The following TMEM63A variants were observed in gnomAD, a reference collection of about 807,000 sequenced individuals.
TMEM63A encodes the protein transmembrane protein 63A.
A neutral mutation model predicts 100.6 loss-of-function variants in TMEM63A; 76 were observed. The ratio of observed to expected loss-of-function variants is 0.76; its 90% CI spans 0.63 to 0.91. The LOEUF (loss-of-function observed/expected upper bound fraction) is 0.91. Among genes scored for constraint, TMEM63A ranks in the 40% least tolerant of loss-of-function variants. The pLI is 0.00. For synonymous variants in TMEM63A, 401 were observed against 401.1 expected, an observed-to-expected ratio of 1.00 and a Z score of 0.00; for missense variants, 876 against 1,008.8, an observed-to-expected ratio of 0.87 and a Z score of 1.78.
intron 20 of TMEM63A, 132 bp from the exon 21 acceptor site, chr1:225,850,211 A>G (rs1289312819): frequency 2.9e-6 from 3 of 1,020,568 alleles, no homozygotes; most frequent in African/African-American, 1.6e-5. Context: ...TGAACACAAA[A>G]TGAGGCATCC....
chr1:225,881,730 T>C (rs1245945129), intron 1 of TMEM63A, among the ~76,000 whole-genome samples: 1 of 152,172 alleles, frequency 6.6e-6, no homozygotes, highest in African/African-American at 2.4e-5. Flanking sequence ...GTAGCTAGTC[T>C]TATCAGGTGC....
chr1:225,845,238 T>C, downstream of TMEM63A: 1 of 1,614,084 alleles, frequency 6.2e-7, no homozygotes, highest in Non-Finnish European at 8.5e-7. Flanking sequence ...TACCCAAAGC[T>C]CATCTCCTAT....
downstream of TMEM63A, among the ~76,000 whole-genome samples, chr1:225,841,942 TTATGAG>T (rs369918851): frequency 5.5e-3 from 840 of 152,352 alleles, 12 homozygotes; most frequent in African/African-American, 0.018. Context: ...GTATTTTGGC[TTATGAG>T]TATATCAATA....
chr1:225,871,049 C>T (rs780816362), intron 6 of TMEM63A, 27 bp downstream of exon 6: 1 of 1,612,978 alleles, frequency 6.2e-7, no homozygotes, highest in Non-Finnish European at 8.5e-7. Context: ...CAAAGGCCCC[C>T]CAGCAGCTGC....
At chr1:225,845,022 T>G, downstream of TMEM63A, 1 of 1,082,018 alleles carries the variant, frequency 9.2e-7, no homozygotes, top group Non-Finnish European at 1.4e-6. Context: ...ATTTGTCCTT[T>G]TCTTTATGGC....
chr1:225,843,604 C>T (rs45478791), downstream of TMEM63A, among the ~76,000 whole-genome samples: 5 of 152,202 alleles, frequency 3.3e-5, no homozygotes, highest in Admixed American at 3.3e-4. Flanking sequence ...CCCCACCAGA[C>T]TATCCCACTA....
chr1:225,850,239 G>GT (rs925739729), intron 20 of TMEM63A, among the ~76,000 whole-genome samples, 160 bp from the exon 21 acceptor site: 7 of 152,122 alleles, frequency 4.6e-5, no homozygotes, highest in Admixed American at 2.0e-4. Flanking sequence ...CTGGCTACTA[G>GT]TTTTTTTTCA....
chr1:225,841,855 C>T (rs370329952), downstream of TMEM63A, among the ~76,000 whole-genome samples: 8 of 152,272 alleles, frequency 5.3e-5, no homozygotes, highest in East Asian at 1.4e-3. Context: ...CCACCTTTCT[C>T]ACCCTCCCAA....
chr1:225,859,302 C>T lies in TMEM63A; in HGVS notation c.1271G>A (p.Gly424Asp). The stretch of plus-strand genomic sequence containing the variant: ...CCCCAGGAAGAGGGTGAAGTTGATG[C>T]CCAGCCACTGTAGCCACCAGCGGAG... ...QGLRWWLQWL[G>D]INFTLFLGLF... Residue 424 changes from glycine (G) to aspartate (D), a missense_variant, in exon 15 of 25, where the codon GGC (glycine) becomes GAC (aspartate). This residue lies in a region of TMEM63A where 487 missense variants were observed against 581.9 expected (regional missense o/e 0.84). Coordinates refer to ENST00000366835, the MANE Select transcript of TMEM63A (RefSeq NM_014698.3). The T allele has an allele frequency of 6.2e-7, 1 of 1,614,088 alleles. No individual in the cohort carries two copies. The highest frequency in any genetic ancestry group is 1.7e-5 in the Admixed American group (1 of 60,006).
chr1:225,860,795 G>A, intron 14 of TMEM63A, 65 bp downstream of exon 14: 1 of 1,523,352 alleles, frequency 6.6e-7, no homozygotes, highest in Non-Finnish European at 8.8e-7. Context: ...TGTGCTCCAG[G>A]TGATGGGCAG....
chr1:225,864,238 T>G (rs1670088444), intron 10 of TMEM63A: 1 of 152,212 alleles, frequency 6.6e-6, no homozygotes, highest in Non-Finnish European at 1.5e-5. Context: ...AATCCCCACC[T>G]ACCACCTGCC....
At chr1:225,857,168 G>T in intron 15 of TMEM63A, 151 bp from the exon 16 acceptor site, 2 of 594,794 alleles carry the variant, frequency 3.4e-6, no homozygotes, top group Non-Finnish European at 5.7e-6. Context: ...CAGGTACAGA[G>T]TTGGTAGTCC....
At chr1:225,861,738 C>G (rs1669949225) in intron 13 of TMEM63A, 1 of 176,660 alleles carries the variant, frequency 5.7e-6, no homozygotes, top group African/African-American at 2.3e-5. Flanking sequence ...AAAGCCACTC[C>G]CCAGGGTCAA....
chr1:225,853,871 C>G lies in TMEM63A; in HGVS notation c.1635-80G>C. ...GAGGGGCCCCTAGGCTGGGCAGGAG[C>G]AGAAAGCCCCTGGGAGGGCTGTATA... On this transcript the variant is annotated intron_variant, in intron 18 of 24. Coordinates refer to ENST00000366835, the MANE Select transcript of TMEM63A (RefSeq NM_014698.3). This position sits in a 1 kb window ranked among gnomAD's most constrained non-coding sequence, Gnocchi z 4.0. The G allele has an allele frequency of 1.4e-6, 2 of 1,403,662 alleles. No individual in the cohort carries two copies. Among genetic ancestry groups the G allele is most frequent in the Non-Finnish European group, 1.9e-6 (2 of 1,054,332 alleles). The allele number at this position is 1,403,662 out of a possible 1,614,324, so 87.0% of individuals were successfully genotyped here. A position where few individuals can be genotyped will look rare whatever the true frequency, so the allele number is the denominator to read the frequency against.
Position 225,853,791 on chromosome 1 carries a change from C to T in TMEM63A, c.1635G>A (p.Glu545=), listed in dbSNP as rs548225364. The change falls in exon 19 of 25, where the codon GAG becomes GAA. Residue 545 remains glutamate (E), a splice_region_variant and synonymous_variant. Coordinates refer to ENST00000366835, the MANE Select transcript of TMEM63A (RefSeq NM_014698.3). This position sits in a 1 kb window ranked among gnomAD's most constrained non-coding sequence, Gnocchi z 4.0. ...CACCCTGGTCAGGCAGGAAGACGCA[C>T]CTGGGGAAACCAGGGCCCAGGTCTG... ...KTSSEASIRL[E]CVFLPDQGAF... 375 of 1,595,418 alleles carry T rather than the reference C, an allele frequency of 2.4e-4. 2 individuals are homozygous for T. In the South Asian group the frequency reaches 4.1e-3, roughly 17 times the overall value.
intron 4 of TMEM63A, among the ~76,000 whole-genome samples, chr1:225,873,644 G>C (rs950825065): frequency 6.6e-6 from 1 of 152,136 alleles, no homozygotes; most frequent in African/African-American, 2.4e-5. Flanking sequence ...GAGAATCCTG[G>C]AGCCCCACGC....
At chr1:225,880,220 G>A (rs980375308) in intron 1 of TMEM63A, among the ~76,000 whole-genome samples, 1 of 152,162 alleles carries the variant, frequency 6.6e-6, no homozygotes, top group African/African-American at 2.4e-5. Flanking sequence ...CCAGGTTAGG[G>A]TAGAGCTCTG....
intron 9 of TMEM63A, 90 bp from the exon 10 acceptor site, chr1:225,866,057 A>G (rs1670191482): frequency 7.5e-7 from 1 of 1,340,652 alleles, no homozygotes; most frequent in South Asian, 1.2e-5. Context: ...GCCTCTGGAA[A>G]GTAAACAACA....
intron 4 of TMEM63A, among the ~76,000 whole-genome samples, chr1:225,872,842 C>T (rs745625286): frequency 5.9e-5 from 9 of 151,766 alleles, no homozygotes; most frequent in Non-Finnish European, 7.4e-5. Context: ...TACAGGCACC[C>T]GCCACCATGC....
Sources: gnomAD v4.1 joint callset for allele counts (sites outside exome capture counted in the v4.1 genomes callset) on GRCh38, gnomAD v4.1.1 for gene constraint, gnomAD v4.1.1 regional missense constraint, Gnocchi (gnomAD v3.1) non-coding constraint, MANE v1.5 for transcripts, NCBI Gene and HGNC (gene_info 2026-07-23, HGNC 2026-07-21) for gene names.